The following VCL variants were observed in gnomAD, a reference collection of about 807,000 sequenced individuals.
VCL encodes vinculin.
Under a neutral mutation model 125.7 loss-of-function variants are expected in VCL, and 47 were observed. The ratio of observed to expected loss-of-function variants is 0.37; its 90% CI spans 0.30 to 0.48. The LOEUF (loss-of-function observed/expected upper bound fraction) is 0.48. Ranked by LOEUF, VCL falls within the 20% of genes least tolerant of loss-of-function variation. The pLI is 0.99. For synonymous variants in VCL, 458 were observed against 514.6 expected, an observed-to-expected ratio of 0.89 and a Z score of 1.49; for missense variants, 1,069 against 1,455.5, an observed-to-expected ratio of 0.73 and a Z score of 4.32.
chr10:74,018,473 G>T (rs1381765886), intron 1 of VCL, among the ~76,000 whole-genome samples: 2 of 152,014 alleles, frequency 1.3e-5, no homozygotes, highest in Admixed American at 1.3e-4. Context: ...TGGCAGTAAG[G>T]CAGGAAGGGA....
At chr10:74,073,591 GTAT>G (rs1268594968) in intron 5 of VCL, among the ~76,000 whole-genome samples, 1 of 152,184 alleles carries the variant, frequency 6.6e-6, no homozygotes, top group Non-Finnish European at 1.5e-5. Context: ...TTTTTAGTGT[GTAT>G]TAATCCAATT....
intron 2 of VCL, among the ~76,000 whole-genome samples, chr10:74,057,529 C>T (rs1841408659): frequency 1.3e-5 from 2 of 152,100 alleles, no homozygotes; most frequent in South Asian, 4.1e-4. Context: ...TGCCTGTACC[C>T]CAAACCCCTG....
At position 73,998,196 on chromosome 10, in the gene VCL, C is replaced by G; in HGVS notation, c.-12C>G. ...CTGTCGCCCGCGGTTCGCCGCCCCG[C>G]TCGCCGCCGCGATGCCAGTGTTTCA... On this transcript the variant is annotated 5_prime_UTR_variant, in exon 1 of 22. Transcript: ENST00000211998. The G allele has an allele frequency of 6.2e-7, 1 of 1,610,856 alleles. No homozygotes were observed. Among genetic ancestry groups the G allele is most frequent in the Non-Finnish European group, 8.5e-7 (1 of 1,178,698 alleles).
At position 74,094,480 on chromosome 10, in the gene VCL, T is replaced by TATA. The variant is rs769290028; in HGVS notation, c.1543+21_1543+23dup. 3 of 1,608,982 alleles carry TATA rather than the reference T, an allele frequency of 1.9e-6. No individual in the cohort carries two copies. In the Admixed American group the frequency reaches 5.1e-5, roughly 27 times the overall value. ...GGAGTCGGTAAGGGCAGCAGTGCAC[T>TATA]ATAACCTCATTAAATTGGTCTCAGT... is the stretch of plus-strand genomic sequence containing the variant. On this transcript the variant is annotated intron_variant, in intron 11 of 21. Coordinates refer to ENST00000211998, the MANE Select transcript of VCL (RefSeq NM_014000.3).
intron 1 of VCL, chr10:74,016,945 G>A (rs1284392324): frequency 1.3e-5 from 2 of 151,582 alleles, no homozygotes; most frequent in Non-Finnish European, 2.9e-5. Flanking sequence ...CTCTATATAA[G>A]TGAAATCATA....
Position 74,072,845 on chromosome 10 carries a change from C to T in VCL, c.615C>T (p.Leu205=). The T allele has an allele frequency of 2.5e-6, 4 of 1,613,912 alleles. No individual in the cohort carries two copies. Among genetic ancestry groups the T allele is most frequent in the Non-Finnish European group, 3.4e-6 (4 of 1,179,900 alleles). The change falls in exon 5 of 22, where the codon CTC becomes CTT. Residue 205 remains leucine, a synonymous_variant. Coordinates refer to ENST00000211998, the MANE Select transcript of VCL (RefSeq NM_014000.3). The part of the protein sequence containing the change: ...MNTVKELLPV[L]ISAMKIFVTT... ...CCGTGAAAGAGTTGCTGCCAGTTCT[C>T]ATTTCAGGTACTTCCTGCCTGTACT... is the stretch of plus-strand genomic sequence containing the variant.
intron 2 of VCL, among the ~76,000 whole-genome samples, chr10:74,048,020 A>G (rs977381056): frequency 6.6e-6 from 1 of 152,238 alleles, no homozygotes; most frequent in Admixed American, 6.5e-5. Flanking sequence ...ATTTTACCCA[A>G]GACTGCAATA....
At chr10:74,005,784 A>AT (rs1840313898) in intron 1 of VCL, among the ~76,000 whole-genome samples, 1 of 152,218 alleles carries the variant, frequency 6.6e-6, no homozygotes, top group Admixed American at 6.5e-5. Context: ...TCATCTCTAG[A>AT]TTACTTATAC....
intron 21 of VCL, among the ~76,000 whole-genome samples, chr10:74,117,508 ACCCAG>A: frequency 6.6e-6 from 1 of 152,328 alleles, no homozygotes; most frequent in Middle Eastern, 3.4e-3. Flanking sequence ...TTAAAAAATT[ACCCAG>A]ATGTGGCAGC....
intron 6 of VCL, among the ~76,000 whole-genome samples, chr10:74,079,979 G>A (rs564790857): frequency 9.2e-5 from 14 of 152,172 alleles, no homozygotes; most frequent in South Asian, 4.1e-4. Context: ...ACTTCTTGAC[G>A]GTGTCACACC....
At chr10:74,027,305 A>G (rs565655942) in intron 1 of VCL, among the ~76,000 whole-genome samples, 61 of 146,392 alleles carry the variant, frequency 4.2e-4, no homozygotes, top group African/African-American at 1.4e-3. Context: ...CGTTTTAAAT[A>G]TATTTACCCA....
intron 11 of VCL, among the ~76,000 whole-genome samples, chr10:74,095,193 T>G (rs1208552950): frequency 1.3e-5 from 2 of 152,238 alleles, no homozygotes; most frequent in Non-Finnish European, 2.9e-5. Context: ...CATAAATGTT[T>G]AATAATAACT....
intron 19 of VCL, among the ~76,000 whole-genome samples, chr10:74,113,549 T>C (rs1591719424): frequency 6.6e-6 from 1 of 151,888 alleles, no homozygotes; most frequent in South Asian, 2.1e-4. Context: ...AGTAGAGGGA[T>C]AGCCAGAGCA....
intron 1 of VCL, chr10:74,027,843 C>A (rs1260336464): frequency 6.6e-6 from 1 of 151,904 alleles, no homozygotes; most frequent in Non-Finnish European, 1.5e-5. Flanking sequence ...CTTCAGTTGG[C>A]ATTTAATTTC....
At chr10:74,055,256 T>C (rs1841371999) in intron 2 of VCL, among the ~76,000 whole-genome samples, 1 of 152,160 alleles carries the variant, frequency 6.6e-6, no homozygotes. Context: ...GTGGAGATCA[T>C]GTCACTGCAC....
rs372381809 is a variant in VCL, at chr10:74,111,965, C to T, written c.2802C>T (p.Ala934=). 8.5e-5 allele frequency: 137 copies of T among 1,614,042 alleles called. No homozygotes were observed. The highest frequency in any genetic ancestry group is 3.0e-4 in the Admixed American group (18 of 60,000). ...GTGTTGTAGCTGAGGCAGATGCGGC[C>T]GATGCTGCTGGCTTCCCTGTCCCCC... ...GIGVVAEADA[A]DAAGFPVPPD... Residue 934 remains alanine (A), a synonymous_variant, in exon 19 of 22, where the codon GCC becomes GCT. Transcript: ENST00000211998.
chr10:74,120,908 T>C (rs1280245524), downstream of VCL: 1 of 152,218 alleles, frequency 6.6e-6, no homozygotes, highest in Non-Finnish European at 1.5e-5. Context: ...AGTTAGCTTT[T>C]GGGGACATAG....
At chr10:74,039,679 C>T (rs990998820) in intron 1 of VCL, among the ~76,000 whole-genome samples, 3 of 151,796 alleles carry the variant, frequency 2.0e-5, no homozygotes, top group Middle Eastern at 3.4e-3. Context: ...CTAGCTGCTC[C>T]GGACGGAGGA....
intron 2 of VCL, among the ~76,000 whole-genome samples, chr10:74,053,305 G>A (rs543579178): frequency 1.3e-5 from 2 of 152,098 alleles, no homozygotes; most frequent in South Asian, 4.2e-4. Flanking sequence ...TTGGTAGTCT[G>A]ATACTTTTCT....
Sources: allele counts gnomAD v4.1 joint callset (sites outside exome capture counted in the v4.1 genomes callset), GRCh38; gene constraint gnomAD v4.1.1; transcripts MANE v1.5; gene names NCBI Gene and HGNC (gene_info 2026-07-23, HGNC 2026-07-21).